AOPEP: variants seen among roughly 807,000 people sequenced by gnomAD.
AOPEP encodes aminopeptidase O.
AOPEP carries 77 observed loss-of-function variants against 98.1 expected under a neutral mutation model. The observed-to-expected ratio is 0.78, with a 90% confidence interval of 0.65 to 0.95. AOPEP has a LOEUF of 0.95. AOPEP is among the 40% of genes least tolerant of loss of function. The pLI, the probability that AOPEP is intolerant of heterozygous loss-of-function variation, is 0.00. For synonymous variants in AOPEP, 346 were observed against 365.3 expected (o/e 0.95, Z 0.60); for missense variants, 1,024 against 1,024.7 (o/e 1.00, Z 0.01).
intron 2 of AOPEP, among the ~76,000 whole-genome samples, chr9:94,769,020 C>T (rs1840261376): frequency 6.6e-6 from 1 of 152,182 alleles, no homozygotes; most frequent in East Asian, 1.9e-4. Flanking sequence ...TTCCTGCCTT[C>T]TGTGGAGGGG....
chr9:94,843,393 G>A (rs2042502599), intron 5 of AOPEP, among the ~76,000 whole-genome samples: 1 of 152,178 alleles, frequency 6.6e-6, no homozygotes, highest in Non-Finnish European at 1.5e-5. Context: ...AACCCTTGTA[G>A]AGTCCGTGTG....
chr9:95,016,247 T>TC, intron 13 of AOPEP, among the ~76,000 whole-genome samples: 1 of 144,018 alleles, frequency 6.9e-6, no homozygotes, highest in East Asian at 2.0e-4. Context: ...CTCTTGTGAT[T>TC]TTTTTTTTTT....
intron 4 of AOPEP, among the ~76,000 whole-genome samples, chr9:94,800,419 C>A (rs1340845242): frequency 1.3e-5 from 2 of 152,106 alleles, no homozygotes; most frequent in South Asian, 4.2e-4. Context: ...AACATCTAAC[C>A]GAGGGCAGGA....
the AOPEP span, chr9:95,145,328 T>C: frequency 1.3e-5 from 2 of 152,072 alleles, no homozygotes; most frequent in Non-Finnish European, 2.9e-5. Context: ...GAACAAGAAA[T>C]GTGTAAATCC....
intron 1 of AOPEP, among the ~76,000 whole-genome samples, chr9:94,739,152 C>T (rs1377099027): frequency 6.6e-6 from 1 of 152,116 alleles, no homozygotes; most frequent in African/African-American, 2.4e-5. Flanking sequence ...TCAGAGCTGC[C>T]TCCACCCACC....
the AOPEP span, chr9:95,135,571 T>C: frequency 1.4e-6 from 2 of 1,388,266 alleles, no homozygotes; most frequent in Non-Finnish European, 2.0e-6. Context: ...TAAAAAAAGT[T>C]CAAAATGCAA....
chr9:95,078,709 C>G (rs989741252), intron 14 of AOPEP, among the ~76,000 whole-genome samples: 1 of 152,204 alleles, frequency 6.6e-6, no homozygotes, highest in African/African-American at 2.4e-5. Context: ...GGAGCTGGTG[C>G]CCATCTTCAC....
intron 7 of AOPEP, among the ~76,000 whole-genome samples, chr9:94,948,125 G>A (rs1313886864): frequency 6.6e-6 from 1 of 152,152 alleles, no homozygotes; most frequent in Non-Finnish European, 1.5e-5. Context: ...TGCGGTTGCT[G>A]TTCTTGACTG....
the AOPEP span, chr9:95,126,849 T>C: frequency 2.2e-6 from 1 of 446,994 alleles, no homozygotes; most frequent in Non-Finnish European, 4.1e-6. Flanking sequence ...AGGCGATCCA[T>C]AATACAGAAT....
intron 1 of AOPEP, among the ~76,000 whole-genome samples, chr9:94,754,697 G>T (rs1836611913): frequency 6.6e-6 from 1 of 152,134 alleles, no homozygotes; most frequent in African/African-American, 2.4e-5. Flanking sequence ...ACTTAACCTG[G>T]TCATGAACAC....
At chr9:95,044,122 A>T (rs570908419) in intron 13 of AOPEP, among the ~76,000 whole-genome samples, 1 of 152,360 alleles carries the variant, frequency 6.6e-6, no homozygotes, top group East Asian at 1.9e-4. Flanking sequence ...TGCCGAGGTT[A>T]AGCTGTCAAC....
chr9:94,957,085 T>TG (rs2058510368), intron 9 of AOPEP, among the ~76,000 whole-genome samples: 1 of 152,266 alleles, frequency 6.6e-6, no homozygotes, highest in African/African-American at 2.4e-5. Flanking sequence ...ACCAAGAGAC[T>TG]GCAGTGTTAA....
chr9:94,772,976 T>C (rs755232689), intron 2 of AOPEP, 26 bp from the exon 3 acceptor site: 1 of 1,559,486 alleles, frequency 6.4e-7, no homozygotes, highest in South Asian at 1.2e-5. Flanking sequence ...ATTCACCCCC[T>C]TTCTTTCTTT....
At chr9:95,037,040 T>G (rs2064891131) in intron 13 of AOPEP, among the ~76,000 whole-genome samples, 1 of 152,238 alleles carries the variant, frequency 6.6e-6, no homozygotes, top group Non-Finnish European at 1.5e-5. Flanking sequence ...TGCTAGTTAG[T>G]TGAACACCAC....
At chr9:94,831,438 G>A (rs1009645913) in intron 5 of AOPEP, among the ~76,000 whole-genome samples, 1 of 152,202 alleles carries the variant, frequency 6.6e-6, no homozygotes, top group Admixed American at 6.5e-5. Context: ...CAAGTACCAT[G>A]CTGTTTTGGT....
chr9:95,056,793 AAC>A (rs906094505), intron 13 of AOPEP, among the ~76,000 whole-genome samples: 7 of 152,350 alleles, frequency 4.6e-5, no homozygotes, highest in Admixed American at 3.9e-4. Context: ...TTTAGAGTAG[AAC>A]ACAGACTTCT....
chr9:94,756,091 C>T (rs1836965607), intron 1 of AOPEP, among the ~76,000 whole-genome samples: 1 of 151,948 alleles, frequency 6.6e-6, no homozygotes, highest in Admixed American at 6.6e-5. Flanking sequence ...AACCCTGTCT[C>T]TACCAAAAAT....
chr9:94,849,503 TTTC>T (rs538748420), intron 5 of AOPEP, among the ~76,000 whole-genome samples: 819 of 26,904 alleles, frequency 0.03, 7 homozygotes, highest in East Asian at 0.06. Context: ...TCTTTCTTTC[TTTC>T]TTTTTTTTTT....
the AOPEP span, among the ~76,000 whole-genome samples, chr9:95,125,715 T>C: frequency 6.6e-6 from 1 of 152,206 alleles, no homozygotes; most frequent in Non-Finnish European, 1.5e-5. Context: ...CCAACACTGT[T>C]CTGACTACTG....
Sources: allele counts gnomAD v4.1 joint callset (sites outside exome capture counted in the v4.1 genomes callset), GRCh38; gene constraint gnomAD v4.1.1; transcripts MANE v1.5; gene names NCBI Gene and HGNC (gene_info 2026-07-23, HGNC 2026-07-21).